The following ICA1 variants were observed in gnomAD, a reference collection of about 807,000 sequenced individuals.
ICA1 encodes the protein islet cell autoantigen 1.
Under a neutral mutation model 71.0 loss-of-function variants are expected in ICA1, and 40 were observed. The ratio of observed to expected loss-of-function variants is 0.56; its 90% CI spans 0.44 to 0.73. The LOEUF is 0.73. Ranked by LOEUF, ICA1 falls within the 30% of genes least tolerant of loss-of-function variation. The probability of loss-of-function intolerance (pLI) is 0.00; values close to 1 mark genes in which losing one functional copy is unlikely to be tolerated. For missense variants in ICA1, 578 were observed against 576.5 expected (o/e 1.00, Z -0.03); for synonymous variants, 207 against 209.5 (o/e 0.99, Z 0.10).
At chr7:8,119,254 G>A (rs1246060085) in intron 13 of ICA1, among the ~76,000 whole-genome samples, 1 of 152,154 alleles carries the variant, frequency 6.6e-6, no homozygotes, top group Non-Finnish European at 1.5e-5. Context: ...ACTCAGTAAA[G>A]CCAGGTGAGG....
At chr7:8,152,853 A>ACCACCACCACCACCACCATCT (rs1799930491) in intron 8 of ICA1, among the ~76,000 whole-genome samples, 1 of 140,206 alleles carries the variant, frequency 7.1e-6, no homozygotes, top group African/African-American at 2.7e-5. Flanking sequence ...TACCACCATC[A>ACCACCACCACCACCACCATCT]CCTCCTCCGC....
chr7:8,201,044 G>A (rs1406957281), intron 6 of ICA1, among the ~76,000 whole-genome samples: 2 of 152,184 alleles, frequency 1.3e-5, no homozygotes, highest in African/African-American at 2.4e-5. Context: ...TTTCTAGAGT[G>A]ACAATGCTTG....
intron 1 of ICA1, among the ~76,000 whole-genome samples, chr7:8,240,878 A>C (rs1583668352): frequency 6.6e-6 from 1 of 152,352 alleles, no homozygotes; most frequent in Non-Finnish European, 1.5e-5. Context: ...AAGAGTAAAA[A>C]GTAACTAGCA....
intron 13 of ICA1, among the ~76,000 whole-genome samples, chr7:8,124,309 C>T (rs555527287): frequency 4.6e-5 from 7 of 151,400 alleles, no homozygotes; most frequent in South Asian, 2.1e-4. Context: ...TTAGTAGAGC[C>T]GGGGTTTCAC....
chr7:8,235,955 T>C lies in ICA1; in HGVS notation c.-29A>G, dbSNP rs2128471703. ...TTCTTCTTCTTCTATTGTTGATGAT[T>C]TGGGGAGAAGGGGCAGGAAAAAAGC... On this transcript the variant is annotated 5_prime_UTR_variant, in exon 2 of 14. Coordinates refer to ENST00000402384, the MANE Select transcript of ICA1 (RefSeq NM_001136020.3). 6.2e-7 allele frequency: 1 copy of C among 1,611,446 alleles called. No homozygotes were observed. Among genetic ancestry groups the C allele is most frequent in the East Asian group, 2.2e-5 (1 of 44,778 alleles).
chr7:8,212,739 G>A (rs1052903734), intron 6 of ICA1, among the ~76,000 whole-genome samples: 13 of 152,128 alleles, frequency 8.5e-5, no homozygotes, highest in Admixed American at 7.9e-4. Flanking sequence ...CTGAGGTCAC[G>A]CTCCTTCCTC....
At chr7:8,235,446 A>C (rs1289965633) in intron 2 of ICA1, among the ~76,000 whole-genome samples, 1 of 152,198 alleles carries the variant, frequency 6.6e-6, no homozygotes, top group Non-Finnish European at 1.5e-5. Context: ...TTTGACAATA[A>C]TTGGCTCCTG....
intron 8 of ICA1, among the ~76,000 whole-genome samples, chr7:8,152,785 T>TCACCATCACCTCCAC (rs1799741109): frequency 2.5e-5 from 2 of 81,538 alleles, no homozygotes; most frequent in African/African-American, 4.6e-5. Flanking sequence ...ACTATCACCA[T>TCACCATCACCTCCAC]CACCATCACC....
At chr7:8,154,427 A>C (rs1283054774) in intron 8 of ICA1, among the ~76,000 whole-genome samples, 1 of 152,206 alleles carries the variant, frequency 6.6e-6, no homozygotes, top group Non-Finnish European at 1.5e-5. Flanking sequence ...ACTAACAGTC[A>C]GGAAATACAG....
intron 6 of ICA1, among the ~76,000 whole-genome samples, chr7:8,193,758 C>T (rs1786484953): frequency 6.6e-6 from 1 of 152,150 alleles, no homozygotes; most frequent in African/African-American, 2.4e-5. Context: ...TTACATTATA[C>T]TTTGCCTGCT....
At chr7:8,138,948 T>C in intron 11 of ICA1, 37 bp downstream of exon 11, 1 of 1,600,770 alleles carries the variant, frequency 6.2e-7, no homozygotes, top group Non-Finnish European at 8.6e-7. Context: ...TTGAGTCAAA[T>C]AATTAAAATT....
chr7:8,125,548 G>A (rs987253840), intron 13 of ICA1, among the ~76,000 whole-genome samples: 1 of 152,142 alleles, frequency 6.6e-6, no homozygotes, highest in Non-Finnish European at 1.5e-5. Flanking sequence ...TTATCCCCAG[G>A]CTCTACTTTT....
chr7:8,185,995 A>G (rs1783791701), intron 6 of ICA1, among the ~76,000 whole-genome samples: 2 of 152,228 alleles, frequency 1.3e-5, no homozygotes, highest in Non-Finnish European at 2.9e-5. Flanking sequence ...GCTATACAGC[A>G]TATAAATAAT....
chr7:8,122,226 G>A (rs1787269630), intron 13 of ICA1, among the ~76,000 whole-genome samples: 1 of 152,182 alleles, frequency 6.6e-6, no homozygotes, highest in African/African-American at 2.4e-5. Context: ...AGCACACGTG[G>A]TTCTCCAGGG....
chr7:8,174,547 A>C (rs1779879047), intron 6 of ICA1, among the ~76,000 whole-genome samples: 1 of 152,034 alleles, frequency 6.6e-6, no homozygotes, highest in Admixed American at 6.5e-5. Context: ...TAATCCCAGC[A>C]CTTTGGGAGT....
At chr7:8,149,723 T>G (rs549829818) in intron 8 of ICA1, among the ~76,000 whole-genome samples, 1 of 152,250 alleles carries the variant, frequency 6.6e-6, no homozygotes, top group Admixed American at 6.5e-5. Flanking sequence ...AATTTTCTTA[T>G]GCTACTTTCC....
intron 6 of ICA1, among the ~76,000 whole-genome samples, chr7:8,197,548 A>G (rs531592288): frequency 0.041 from 360 of 8,838 alleles, 2 homozygotes; most frequent in African/African-American, 0.2. Context: ...TTCGTCTCAG[A>G]AAAAAAAAAA....
At chr7:8,174,168 TG>T (rs1779750810) in intron 6 of ICA1, among the ~76,000 whole-genome samples, 1 of 152,214 alleles carries the variant, frequency 6.6e-6, no homozygotes, top group Non-Finnish European at 1.5e-5. Flanking sequence ...GGAGTATGCG[TG>T]GCTTGTTCTA....
At chr7:8,129,587 CTTA>C (rs1316540014) in intron 12 of ICA1, among the ~76,000 whole-genome samples, 2 of 152,116 alleles carry the variant, frequency 1.3e-5, no homozygotes, top group East Asian at 3.8e-4. Context: ...TGTAAGCATT[CTTA>C]TTGTTTGTGT....
Sources: gnomAD v4.1 joint callset for allele counts (sites outside exome capture counted in the v4.1 genomes callset) on GRCh38, gnomAD v4.1.1 for gene constraint, MANE v1.5 for transcripts, NCBI Gene and HGNC (gene_info 2026-07-23, HGNC 2026-07-21) for gene names.